The following GSS variants were observed in gnomAD, a reference collection of about 807,000 sequenced individuals.
GSS encodes the protein GSH synthetase.
Under a neutral mutation model 60.4 loss-of-function variants are expected in GSS, and 34 were observed. That is an observed-to-expected ratio of 0.56 (90% CI 0.43 to 0.75). The LOEUF is 0.75. Among genes scored for constraint, GSS ranks in the 30% least tolerant of loss-of-function variants. GSS has a pLI of 0.00. For synonymous variants in GSS, 224 were observed against 239.0 expected (o/e 0.94, Z 0.58); for missense variants, 499 against 595.1 (o/e 0.84, Z 1.68).
intron 8 of GSS, 136 bp from the exon 9 acceptor site, chr20:34,935,778 TC>T: frequency 1.4e-6 from 1 of 704,046 alleles, no homozygotes; most frequent in East Asian, 2.7e-5. Flanking sequence ...GGTCAGGGGT[TC>T]ACTGGAACCA....
upstream of GSS, chr20:34,955,986 C>G (rs2081628966): frequency 1.3e-5 from 2 of 152,374 alleles, no homozygotes; most frequent in African/African-American, 4.8e-5. Flanking sequence ...AGGGGACCAT[C>G]GGGGTCGGCG....
rs199869372 is a variant in GSS, at chr20:34,932,848, CT to C, written c.835-716del. Among the ~76,000 whole-genome samples the C allele has an allele frequency of 2.2e-3, 330 of 151,342 alleles. 1 individual carries two copies. Among genetic ancestry groups the C allele is most frequent in the African/African-American group, 7.4e-3 (304 of 41,282 alleles). On this transcript the variant is annotated intron_variant, in intron 9 of 12. Transcript: ENST00000651619. ...AATTTTTTTTTCCTATTTTTGTTTA[CT>C]TTTTTTTTCTTTTGAGACGTGGGTC...
At chr20:34,952,816 A>G (rs2081580244) in intron 1 of GSS, 1 of 152,176 alleles carries the variant, frequency 6.6e-6, no homozygotes, top group Admixed American at 6.5e-5. Flanking sequence ...CCAACAACTC[A>G]TGTCAGCAGA....
At chr20:34,936,597 G>A (rs1169180458) in intron 8 of GSS, among the ~76,000 whole-genome samples, 166 bp downstream of exon 8, 2 of 152,224 alleles carry the variant, frequency 1.3e-5, no homozygotes, top group Non-Finnish European at 1.5e-5. Context: ...GAAGCACAGC[G>A]TGGCTGGCTT....
chr20:34,948,585 A>T (rs1480091091), intron 2 of GSS, among the ~76,000 whole-genome samples: 17 of 152,158 alleles, frequency 1.1e-4, no homozygotes, highest in Non-Finnish European at 2.4e-4. Flanking sequence ...AGAGATCGAG[A>T]CCATCCTGGC....
chr20:34,931,973 C>T lies in GSS; in HGVS notation c.995G>A (p.Arg332His), dbSNP rs546916452. 16 of 1,614,148 alleles carry T rather than the reference C, an allele frequency of 9.9e-6. No individual in the cohort carries two copies. Among genetic ancestry groups the T allele is most frequent in the Admixed American group, 1.7e-5 (1 of 60,030 alleles). Residue 332 changes from arginine to histidine, a missense_variant, in exon 10 of 13, where the codon CGC (arginine) becomes CAC (histidine). Coordinates refer to ENST00000651619, the MANE Select transcript of GSS (RefSeq NM_000178.4). ...TGAGTAGAGGCCAGCAAAGGTGGCG[C>T]GGAGGCGGGCCACAGCCTCAGGCTG... ...PGQPEAVARL[R>H]ATFAGLYSLD...
At chr20:34,947,920 G>T (rs2081535378) in intron 2 of GSS, among the ~76,000 whole-genome samples, 1 of 149,050 alleles carries the variant, frequency 6.7e-6, no homozygotes, top group Admixed American at 6.7e-5. Context: ...AATTTTGGTA[G>T]ATAATTTCTA....
chr20:34,950,013 T>TCACACACATACACACA (rs1555889020), intron 2 of GSS: 2 of 124,886 alleles, frequency 1.6e-5, no homozygotes, highest in African/African-American at 6.2e-5. Flanking sequence ...TCTCTCTCTC[T>TCACACACATACACACA]CACACACACA....
At chr20:34,929,219 C>A in intron 12 of GSS, 182 bp downstream of exon 12, 3 of 712,434 alleles carry the variant, frequency 4.2e-6, no homozygotes, top group South Asian at 3.2e-5. Context: ...GTAAGGTGGG[C>A]AGGTCTTGGG....
At chr20:34,929,668 G>A (rs2081384498) in intron 11 of GSS, 78 bp from the exon 12 acceptor site, 5 of 1,275,730 alleles carry the variant, frequency 3.9e-6, no homozygotes, top group Non-Finnish European at 5.7e-6. Context: ...GGGGCCACAT[G>A]GGCAAGTCAG....
chr20:34,929,107 T>C, intron 12 of GSS, 156 bp from the exon 13 acceptor site: 1 of 885,826 alleles, frequency 1.1e-6, no homozygotes, highest in Non-Finnish European at 1.8e-6. Context: ...CTCCTTCTAG[T>C]CCTAGGTTGT....
rs368314298 is a variant in GSS at position 34,949,206 on chromosome 20, G to T, written c.129+2518C>A. On this transcript the variant is annotated intron_variant, in intron 2 of 12. Coordinates refer to ENST00000651619, the MANE Select transcript of GSS (RefSeq NM_000178.4). Reference sequence around the variant, plus strand: ...GCGCCCTGTTCAAATGTATTTGAACGTATTACTTATTGTAAAAAACAAATT... The same window carrying T: ...GCGCCCTGTTCAAATGTATTTGAACTTATTACTTATTGTAAAAAACAAATT... Among the ~76,000 whole-genome samples the T allele has an allele frequency of 7.2e-5, 11 of 152,208 alleles. No individual in the cohort carries two copies. In the East Asian group the frequency reaches 1.7e-3, roughly 24 times the overall value.
intron 5 of GSS, among the ~76,000 whole-genome samples, 193 bp from the exon 6 acceptor site, chr20:34,942,022 T>C (rs2081486987): frequency 1.3e-5 from 2 of 152,154 alleles, no homozygotes; most frequent in Admixed American, 1.3e-4. Flanking sequence ...CTGGTGTATA[T>C]GCCTGGAGGA....
At position 34,945,297 on chromosome 20, in the gene GSS, A is replaced by G. The variant is rs1443840225; in HGVS notation, c.275+656T>C. 2.6e-5 allele frequency among the ~76,000 whole-genome samples: 4 copies of G among 152,022 alleles called. No individual in the cohort carries two copies. In the East Asian group the frequency reaches 7.7e-4, roughly 29 times the overall value. The stretch of plus-strand genomic sequence containing the variant: ...CTCGGCCTCCCAAAGTGCTGGGATT[A>G]CAGGCCTGAGCCACCGCGCCCAGCC... On this transcript the variant is annotated intron_variant, in intron 3 of 12. Coordinates refer to ENST00000651619, the MANE Select transcript of GSS (RefSeq NM_000178.4).
Sources: allele counts gnomAD v4.1 joint callset (sites outside exome capture counted in the v4.1 genomes callset), GRCh38; gene constraint gnomAD v4.1.1; transcripts MANE v1.5; gene names NCBI Gene and HGNC (gene_info 2026-07-23, HGNC 2026-07-21).